Variants in TEAD1 observed in about 807,000 individuals in gnomAD.
TEAD1 encodes transcriptional enhancer factor TEF-1.
Under a neutral mutation model 54.9 loss-of-function variants are expected in TEAD1, and 9 were observed. The observed-to-expected ratio is 0.16, with a 90% CI of 0.10 to 0.29. The LOEUF is 0.29. TEAD1 is among the 10% of genes least tolerant of loss of function. TEAD1 has a pLI of 1.00. For missense variants in TEAD1, 387 were observed against 535.9 expected (o/e 0.72, Z 2.74); for synonymous variants, 200 against 187.8 (o/e 1.07, Z -0.53).
intron 2 of TEAD1, among the ~76,000 whole-genome samples, chr11:12,745,276 G>T (rs1339669739): frequency 6.6e-6 from 1 of 152,176 alleles, no homozygotes; most frequent in East Asian, 1.9e-4. Context: ...GATGTGCCCT[G>T]CATGAACTGT....
chr11:12,809,591 C>A (rs979090278), intron 3 of TEAD1, among the ~76,000 whole-genome samples: 1 of 152,188 alleles, frequency 6.6e-6, no homozygotes, highest in Non-Finnish European at 1.5e-5. Context: ...CCTTGAGACT[C>A]AGCCAGGACG....
chr11:12,736,100 A>G (rs1366120571), intron 2 of TEAD1, among the ~76,000 whole-genome samples: 1 of 152,200 alleles, frequency 6.6e-6, no homozygotes, highest in Non-Finnish European at 1.5e-5. Context: ...TTAAAACGTT[A>G]ATATGATTGT....
intron 2 of TEAD1, among the ~76,000 whole-genome samples, chr11:12,742,278 A>G (rs567184047): frequency 6.6e-6 from 1 of 152,322 alleles, no homozygotes; most frequent in Non-Finnish European, 1.5e-5. Flanking sequence ...ATATTTCTAA[A>G]CTTCATTTTA....
At chr11:12,864,449 TCACTGCAGTGATGACC>T (rs1947572734) in intron 4 of TEAD1, among the ~76,000 whole-genome samples, 1 of 152,152 alleles carries the variant, frequency 6.6e-6, no homozygotes, top group Non-Finnish European at 1.5e-5. Flanking sequence ...CTGAATCAAG[TCACTGCAGTGATGACC>T]CAGTATGAAA....
intron 3 of TEAD1, among the ~76,000 whole-genome samples, chr11:12,859,095 A>G (rs1178748713): frequency 6.6e-6 from 1 of 152,224 alleles, no homozygotes; most frequent in Non-Finnish European, 1.5e-5. Flanking sequence ...CATGTGGTGC[A>G]TGATTGTACT....
intron 2 of TEAD1, among the ~76,000 whole-genome samples, chr11:12,682,678 C>T (rs1943247253): frequency 6.6e-6 from 1 of 152,068 alleles, no homozygotes; most frequent in Admixed American, 6.5e-5. Context: ...TACTGCTTGC[C>T]ACTGAGCGTT....
chr11:12,781,951 CAA>C (rs71454001), intron 3 of TEAD1, among the ~76,000 whole-genome samples: 1 of 65,402 alleles, frequency 1.5e-5, no homozygotes, highest in South Asian at 4.9e-4. Context: ...CTCGTCTGTA[CAA>C]AAAAAAAAAA....
At chr11:12,732,791 G>T (rs903363136) in intron 2 of TEAD1, among the ~76,000 whole-genome samples, 1 of 152,318 alleles carries the variant, frequency 6.6e-6, no homozygotes, top group South Asian at 2.1e-4. Context: ...CCAGAAACCA[G>T]CCACCCAGCT....
chr11:12,752,213 GTTTTTTTTTTT>G (rs35143229), intron 2 of TEAD1, among the ~76,000 whole-genome samples: 3 of 101,034 alleles, frequency 3.0e-5, no homozygotes, highest in Admixed American at 2.1e-4. Context: ...AAACAGGGCA[GTTTTTTTTTTT>G]TTTTTTTTTC....
At position 12,941,884 on chromosome 11, in the gene TEAD1, G is replaced by C. The variant is rs1229510381; in HGVS notation, c.*4662G>C. ...AAGTGTTCCCGTAAGCAGTGCCTTA[G>C]TAATACCTTAGTCATGCCGCCAGCC... On this transcript the variant is annotated 3_prime_UTR_variant, in exon 13 of 13. Coordinates refer to ENST00000527636, the MANE Select transcript of TEAD1 (RefSeq NM_021961.6). 2.0e-5 allele frequency: 3 copies of C among 152,590 alleles called. No homozygotes were observed. In the East Asian group the frequency reaches 5.8e-4, roughly 29 times the overall value. 9.5% of individuals were successfully genotyped at this position (152,590 alleles called of 1,614,324 possible).
chr11:12,905,549 G>A (rs1948503665), intron 10 of TEAD1, among the ~76,000 whole-genome samples: 1 of 152,196 alleles, frequency 6.6e-6, no homozygotes, highest in Non-Finnish European at 1.5e-5. Flanking sequence ...AATTTGAAAT[G>A]TCATTGGCTT....
At chr11:12,862,343 T>C (rs1947522719) in intron 4 of TEAD1, 29 bp downstream of exon 4, 1 of 1,608,142 alleles carries the variant, frequency 6.2e-7, no homozygotes, top group Admixed American at 1.7e-5. Context: ...AAATTGTGCA[T>C]GTCAGCGAAT....
chr11:12,879,501 A>G (rs112970959), intron 5 of TEAD1: 5 of 690,234 alleles, frequency 7.2e-6, no homozygotes, highest in African/African-American at 1.8e-5. Context: ...GCCTTGCCCC[A>G]TTGGGTCTTC....
chr11:12,844,101 G>A (rs1947092776), intron 3 of TEAD1, among the ~76,000 whole-genome samples: 1 of 152,094 alleles, frequency 6.6e-6, no homozygotes, highest in Non-Finnish European at 1.5e-5. Flanking sequence ...TAAATATTCA[G>A]AAACTTTTCT....
intron 2 of TEAD1, among the ~76,000 whole-genome samples, chr11:12,709,337 C>CA (rs1412110368): frequency 1.5e-4 from 20 of 135,610 alleles, no homozygotes; most frequent in South Asian, 4.6e-4. Context: ...GATTCTCTCT[C>CA]AAAAAAAATA....
intron 3 of TEAD1, among the ~76,000 whole-genome samples, chr11:12,854,902 G>A (rs1947342944): frequency 6.6e-6 from 1 of 151,736 alleles, no homozygotes; most frequent in African/African-American, 2.4e-5. Flanking sequence ...AGCTTGAGAT[G>A]GCATCTTTTT....
chr11:12,850,820 T>G (rs1370047962), intron 3 of TEAD1, among the ~76,000 whole-genome samples: 1 of 152,220 alleles, frequency 6.6e-6, no homozygotes, highest in Admixed American at 6.5e-5. Flanking sequence ...CTTGGGTTAA[T>G]GTTAAGATTA....
rs915792463 is a variant in TEAD1 at position 12,789,648 on chromosome 11, G to C, written c.202+25214G>C. Reference sequence around the variant, plus strand: ...CTCCCTCCAGATGGCTTTTCAGCCAGGTTGATAATTAGCATCAACAGATGC... The same window carrying C: ...CTCCCTCCAGATGGCTTTTCAGCCACGTTGATAATTAGCATCAACAGATGC... On this transcript the variant is annotated intron_variant, in intron 3 of 12. Transcript: ENST00000527636. Among the ~76,000 whole-genome samples the C allele has an allele frequency of 2.6e-5, 4 of 152,242 alleles. No homozygotes were observed. In the East Asian group the frequency reaches 7.7e-4, roughly 29 times the overall value.
At chr11:12,819,906 C>T (rs1027243320) in intron 3 of TEAD1, among the ~76,000 whole-genome samples, 2 of 152,042 alleles carry the variant, frequency 1.3e-5, no homozygotes, top group Admixed American at 6.5e-5. Context: ...TCTTTTTCCC[C>T]GATTGTGAGT....
Sources: allele counts gnomAD v4.1 joint callset (sites outside exome capture counted in the v4.1 genomes callset), GRCh38; gene constraint gnomAD v4.1.1; transcripts MANE v1.5; gene names NCBI Gene and HGNC (gene_info 2026-07-23, HGNC 2026-07-21).